The following NRXN1 variants were observed in gnomAD, a reference collection of about 807,000 sequenced individuals.
NRXN1 encodes neurexin 1.
A neutral mutation model predicts 150.9 loss-of-function variants in NRXN1; 39 were observed. That is an observed-to-expected ratio of 0.26 (90% confidence interval 0.20 to 0.34). The LOEUF (loss-of-function observed/expected upper bound fraction) is 0.34. NRXN1 is among the 10% of genes least tolerant of loss of function. The pLI is 1.00. For synonymous variants in NRXN1, 924 were observed against 757.0 expected, an observed-to-expected ratio of 1.22 and a Z score of -3.62; for missense variants, 1,815 against 1,949.9, an observed-to-expected ratio of 0.93 and a Z score of 1.30.
intron 12 of NRXN1, among the ~76,000 whole-genome samples, chr2:50,520,495 C>T (rs1417517850): frequency 6.6e-6 from 1 of 151,470 alleles, no homozygotes; most frequent in Non-Finnish European, 1.5e-5. Context: ...TCAATCTCAC[C>T]AGCAGATATA....
intron 2 of NRXN1, among the ~76,000 whole-genome samples, chr2:50,951,226 T>C (rs1238682275): frequency 6.6e-6 from 1 of 152,056 alleles, no homozygotes; most frequent in Non-Finnish European, 1.5e-5. Flanking sequence ...GGAGATGAGA[T>C]GAGAGGAGTA....
At chr2:50,963,770 AT>A (rs1337247052) in intron 2 of NRXN1, among the ~76,000 whole-genome samples, 1 of 151,662 alleles carries the variant, frequency 6.6e-6, no homozygotes, top group Admixed American at 6.6e-5. Context: ...TTCATGAAGA[AT>A]GTATATCTTC....
intron 21 of NRXN1, among the ~76,000 whole-genome samples, chr2:50,029,427 T>C (rs1360115561): frequency 6.6e-6 from 1 of 152,170 alleles, no homozygotes; most frequent in African/African-American, 2.4e-5. Context: ...TGAGTTTGTA[T>C]TTGAAGATAG....
At chr2:50,575,331 T>A (rs1671269385) in intron 8 of NRXN1, among the ~76,000 whole-genome samples, 1 of 152,188 alleles carries the variant, frequency 6.6e-6, no homozygotes. Context: ...AATTCAGTTG[T>A]GGGCATAAGC....
In NRXN1 at chr2:50,879,644, A is replaced by T. The variant is rs573605437; in HGVS notation, c.832+42225T>A. Among the ~76,000 whole-genome samples the T allele has an allele frequency of 3.5e-4, 53 of 151,956 alleles. No homozygotes were observed. In the South Asian group the frequency reaches 9.9e-3, roughly 29 times the overall value. On this transcript the variant is annotated intron_variant, in intron 5 of 22. Transcript: ENST00000401669. ...TGGGGTGGTGGGGGCAGCAGGTGGT[A>T]CCTATTTGCCAAGTTCCTCTTTCTC...
intron 5 of NRXN1, among the ~76,000 whole-genome samples, chr2:50,659,056 C>G (rs1260290807): frequency 6.6e-6 from 1 of 151,992 alleles, no homozygotes; most frequent in Non-Finnish European, 1.5e-5. Flanking sequence ...CAACTTCTGC[C>G]CTCTGGCCCT....
chr2:50,226,979 C>CTA (rs1442486933), intron 18 of NRXN1, among the ~76,000 whole-genome samples: 1 of 151,900 alleles, frequency 6.6e-6, no homozygotes, highest in African/African-American at 2.4e-5. Flanking sequence ...ATGCTGGGCT[C>CTA]TAGGAATACT....
intron 5 of NRXN1, among the ~76,000 whole-genome samples, chr2:50,891,955 A>C (rs1027430108): frequency 6.6e-6 from 1 of 152,130 alleles, no homozygotes; most frequent in South Asian, 2.1e-4. Flanking sequence ...GTACAGCCAC[A>C]TAGAAAACAG....
chr2:50,212,138 T>C (rs1265139429), intron 18 of NRXN1, among the ~76,000 whole-genome samples: 4 of 151,786 alleles, frequency 2.6e-5, no homozygotes, highest in South Asian at 2.1e-4. Flanking sequence ...ATATGAAGTA[T>C]ATTTTTCCAA....
At chr2:50,269,216 T>C (rs2069264620) in intron 17 of NRXN1, among the ~76,000 whole-genome samples, 1 of 152,212 alleles carries the variant, frequency 6.6e-6, no homozygotes, top group Non-Finnish European at 1.5e-5. Flanking sequence ...AAGTACCAGA[T>C]GTGGGTCACA....
chr2:50,357,190 AC>A (rs2078877093), intron 17 of NRXN1, among the ~76,000 whole-genome samples: 1 of 152,096 alleles, frequency 6.6e-6, no homozygotes, highest in South Asian at 2.1e-4. Context: ...GATCACTTTA[AC>A]CCAGTTCAAG....
chr2:50,467,810 C>G (rs1363089251), intron 16 of NRXN1, among the ~76,000 whole-genome samples: 1 of 150,868 alleles, frequency 6.6e-6, no homozygotes, highest in East Asian at 1.9e-4. Context: ...TAATAAAGAA[C>G]TAAGAACTAA....
chr2:50,024,085 A>G (rs1687943371), intron 21 of NRXN1: 2 of 152,172 alleles, frequency 1.3e-5, no homozygotes, highest in African/African-American at 2.4e-5. Context: ...CTTCCAAGGA[A>G]TTGTGTGTCC....
At position 50,347,876 on chromosome 2, in the gene NRXN1, C is replaced by G; in HGVS notation, c.3365-110906G>C. ...GGACGAGCCTATGTAACGAGGGAGGCTGGTCTAGCTTCCCACGAAAATCGC... is the reference window on the plus strand; with the variant it reads ...GGACGAGCCTATGTAACGAGGGAGGGTGGTCTAGCTTCCCACGAAAATCGC... On this transcript the variant is annotated intron_variant, in intron 17 of 22. Coordinates refer to ENST00000401669, the MANE Select transcript of NRXN1 (RefSeq NM_001330078.2). The surrounding 1 kb of genome is among the most constrained non-coding windows in gnomAD (Gnocchi z 4.9). 2.0e-6 allele frequency: 2 copies of G among 982,472 alleles called. No individual in the cohort carries two copies. The highest frequency in any genetic ancestry group is 2.4e-6 in the Non-Finnish European group (2 of 827,300). The allele number at this position is 982,472 out of a possible 1,614,324, so 60.9% of individuals were successfully genotyped here.
At chr2:50,725,614 T>C (rs1423852592) in intron 5 of NRXN1, among the ~76,000 whole-genome samples, 1 of 152,134 alleles carries the variant, frequency 6.6e-6, no homozygotes, top group Non-Finnish European at 1.5e-5. Context: ...TTAAAAAACA[T>C]AATCAGTTAA....
intron 3 of NRXN1, among the ~76,000 whole-genome samples, chr2:50,924,835 T>C (rs1178342020): frequency 6.6e-6 from 1 of 151,754 alleles, no homozygotes; most frequent in African/African-American, 2.4e-5. Flanking sequence ...CCCCTGCTAC[T>C]GGTCAACTCT....
At chr2:51,031,893 TC>T (rs1441586400) in intron 1 of NRXN1, 87 bp downstream of exon 1, 2 of 152,110 alleles carry the variant, frequency 1.3e-5, no homozygotes, top group Non-Finnish European at 2.9e-5. Context: ...TTGTGGCAGA[TC>T]CTGGCTCAGT....
rs143522284 is a variant in NRXN1 at position 50,252,258 on chromosome 2, C to CTTTTTTTTTTTTTTTTTTTTTTTTT, written c.3365-15289_3365-15288insAAAAAAAAAAAAAAAAAAAAAAAAA. Among the ~76,000 whole-genome samples, 219 of 69,710 alleles carry CTTTTTTTTTTTTTTTTTTTTTTTTT rather than the reference C, an allele frequency of 3.1e-3. 2 individuals carry two copies. Among genetic ancestry groups the CTTTTTTTTTTTTTTTTTTTTTTTTT allele is most frequent in the East Asian group, 5.2e-3 (12 of 2,296 alleles). 45.7% of individuals were successfully genotyped at this position (69,710 alleles called of 152,430 possible). On this transcript the variant is annotated intron_variant, in intron 17 of 22. Transcript: ENST00000401669. ...CTTTTTTTTTTTTCTTTTTTCTTTT[C>CTTTTTTTTTTTTTTTTTTTTTTTTT]TTTTTTTTTTTTTTTTTTTGAGACA... is the stretch of plus-strand genomic sequence containing the variant.
At chr2:50,298,041 G>A (rs759874073) in intron 17 of NRXN1, among the ~76,000 whole-genome samples, 3 of 151,722 alleles carry the variant, frequency 2.0e-5, no homozygotes, top group Non-Finnish European at 4.4e-5. Context: ...TCCCTAATCG[G>A]CTTAATTTTA....
Sources: gnomAD v4.1 joint callset for allele counts (sites outside exome capture counted in the v4.1 genomes callset) on GRCh38, gnomAD v4.1.1 for gene constraint, Gnocchi (gnomAD v3.1) non-coding constraint, MANE v1.5 for transcripts, NCBI Gene and HGNC (gene_info 2026-07-23, HGNC 2026-07-21) for gene names.